Variants in DACH1 observed in about 807,000 individuals in gnomAD.
The protein encoded by DACH1 is dachshund homolog 1.
DACH1 carries 12 observed loss-of-function variants against 54.2 expected under a neutral mutation model. That is an observed-to-expected ratio of 0.22 (90% CI 0.14 to 0.36). The LOEUF (loss-of-function observed/expected upper bound fraction) is 0.36, where lower values mean the gene tolerates loss of function less well. Ranked by LOEUF, DACH1 falls within the 10% of genes least tolerant of loss-of-function variation. DACH1 has a pLI of 1.00. For synonymous variants in DACH1, 386 were observed against 366.2 expected (o/e 1.05, Z -0.62); for missense variants, 805 against 929.8 (o/e 0.87, Z 1.75).
chr13:71,662,055 C>T (rs1431408599), intron 2 of DACH1, among the ~76,000 whole-genome samples: 1 of 152,028 alleles, frequency 6.6e-6, no homozygotes, highest in East Asian at 1.9e-4. Context: ...TCTATCATGA[C>T]CTCTCAAGAC....
intron 1 of DACH1, among the ~76,000 whole-genome samples, chr13:71,829,751 G>A (rs1488520196): frequency 6.6e-6 from 1 of 151,932 alleles, no homozygotes; most frequent in Non-Finnish European, 1.5e-5. Flanking sequence ...AATGTCAGAA[G>A]TGATAAATCA....
chr13:71,765,466 G>T (rs769621960), intron 1 of DACH1, among the ~76,000 whole-genome samples: 61 of 152,198 alleles, frequency 4.0e-4, no homozygotes, highest in Non-Finnish European at 7.1e-4. Flanking sequence ...TTTCCAATTT[G>T]TCCCACAATG....
intron 10 of DACH1, among the ~76,000 whole-genome samples, chr13:71,458,997 A>AAAG (rs1875833978): frequency 6.6e-6 from 1 of 151,840 alleles, no homozygotes; most frequent in African/African-American, 2.4e-5. Context: ...AGCATTTGTT[A>AAAG]AAGTGAATTG....
At chr13:71,587,099 A>G (rs1225192451) in intron 3 of DACH1, among the ~76,000 whole-genome samples, 6 of 152,148 alleles carry the variant, frequency 3.9e-5, no homozygotes, top group Non-Finnish European at 5.9e-5. Flanking sequence ...ACAAAATGCA[A>G]ACTCCAAGTG....
At position 71,451,420 on chromosome 13, in the gene DACH1, G is replaced by T. The variant is rs1354367754; in HGVS notation, c.2084-10728C>A. 3.9e-5 allele frequency among the ~76,000 whole-genome samples: 6 copies of T among 152,090 alleles called. No individual in the cohort carries two copies. The East Asian group carries it at 1.2e-3, about 29-fold the overall frequency. Reference sequence around the variant, plus strand: ...CATCTTGAGCATTGCTTGGTACATGGAAAGGGCTCAATAAAAATATATGGA... The same window carrying T: ...CATCTTGAGCATTGCTTGGTACATGTAAAGGGCTCAATAAAAATATATGGA... On this transcript the variant is annotated intron_variant, in intron 10 of 10. Coordinates refer to ENST00000613252, the MANE Select transcript of DACH1 (RefSeq NM_080759.6).
At chr13:71,712,449 T>C (rs1882763938) in intron 1 of DACH1, among the ~76,000 whole-genome samples, 1 of 152,144 alleles carries the variant, frequency 6.6e-6, no homozygotes, top group Admixed American at 6.6e-5. Context: ...TAATATTTTA[T>C]AGGCTCAGAG....
chr13:71,655,940 CATT>C (rs1276890702), intron 2 of DACH1, among the ~76,000 whole-genome samples: 1 of 152,170 alleles, frequency 6.6e-6, no homozygotes, highest in African/African-American at 2.4e-5. Flanking sequence ...GGAACAGTCA[CATT>C]TTTTATGAAG....
intron 1 of DACH1, among the ~76,000 whole-genome samples, chr13:71,834,082 C>A (rs931170802): frequency 1.3e-5 from 2 of 151,930 alleles, no homozygotes; most frequent in Admixed American, 1.3e-4. Flanking sequence ...CAGGAGGTAA[C>A]CTACCATTTA....
intron 10 of DACH1, among the ~76,000 whole-genome samples, chr13:71,473,614 A>G (rs1254277333): frequency 6.6e-6 from 1 of 152,220 alleles, no homozygotes; most frequent in African/African-American, 2.4e-5. Flanking sequence ...ATCATCAACC[A>G]TACAAAAATG....
chr13:71,709,737 A>G (rs1036245677), intron 1 of DACH1, among the ~76,000 whole-genome samples: 3 of 152,220 alleles, frequency 2.0e-5, no homozygotes, highest in Non-Finnish European at 1.5e-5. Flanking sequence ...AAAGCATAGT[A>G]TATAGAGAGT....
intron 3 of DACH1, among the ~76,000 whole-genome samples, chr13:71,581,461 A>G (rs769567232): frequency 1.4e-4 from 21 of 152,048 alleles, no homozygotes; most frequent in Non-Finnish European, 2.6e-4. Context: ...GGCTTTCACA[A>G]TGCCAGGCTG....
chr13:71,803,543 C>T (rs559855784), intron 1 of DACH1, among the ~76,000 whole-genome samples: 1 of 152,248 alleles, frequency 6.6e-6, no homozygotes, highest in African/African-American at 2.4e-5. Context: ...GTAACTACTA[C>T]ATATATGAAT....
At chr13:71,655,837 T>G (rs912936204) in intron 2 of DACH1, among the ~76,000 whole-genome samples, 6 of 152,230 alleles carry the variant, frequency 3.9e-5, no homozygotes, top group African/African-American at 1.4e-4. Context: ...TGTTTTAATT[T>G]TGTTCATATT....
chr13:71,463,179 C>T (rs1045907773), intron 10 of DACH1, among the ~76,000 whole-genome samples: 9 of 151,898 alleles, frequency 5.9e-5, no homozygotes, highest in Admixed American at 1.3e-4. Context: ...TATTTAAATA[C>T]ATTATCGATA....
intron 2 of DACH1, among the ~76,000 whole-genome samples, chr13:71,639,524 C>T (rs79416060): frequency 1.3e-4 from 20 of 152,050 alleles, no homozygotes; most frequent in Non-Finnish European, 1.2e-4. Context: ...AACAAAAAAA[C>T]CCCACTAATT....
At chr13:71,511,746 C>A (rs1203048999) in intron 6 of DACH1, among the ~76,000 whole-genome samples, 1 of 152,046 alleles carries the variant, frequency 6.6e-6, no homozygotes, top group East Asian at 1.9e-4. Context: ...ATAATGATTA[C>A]CTTTCTTTTC....
At chr13:71,470,622 C>G (rs1593744927) in intron 10 of DACH1, among the ~76,000 whole-genome samples, 1 of 151,988 alleles carries the variant, frequency 6.6e-6, no homozygotes, top group Non-Finnish European at 1.5e-5. Context: ...CCACCGCACC[C>G]GGTCTAATTC....
intron 1 of DACH1, among the ~76,000 whole-genome samples, chr13:71,865,245 T>G (rs1023535833): frequency 6.6e-6 from 1 of 152,088 alleles, no homozygotes; most frequent in Non-Finnish European, 1.5e-5. Context: ...TGGCTTCCCC[T>G]CCGGGCTTCG....
At chr13:71,840,010 G>A (rs898261437) in intron 1 of DACH1, among the ~76,000 whole-genome samples, 3 of 152,002 alleles carry the variant, frequency 2.0e-5, no homozygotes, top group East Asian at 1.9e-4. Context: ...GCAGTAGCAC[G>A]ATCTTGGCTC....
Sources: gnomAD v4.1 joint callset for allele counts (sites outside exome capture counted in the v4.1 genomes callset) on GRCh38, gnomAD v4.1.1 for gene constraint, MANE v1.5 for transcripts, NCBI Gene and HGNC (gene_info 2026-07-23, HGNC 2026-07-21) for gene names.